The following CPA6 variants were observed in gnomAD, a reference collection of about 807,000 sequenced individuals.
CPA6 encodes the protein carboxypeptidase B.
CPA6 carries 58 observed loss-of-function variants against 63.3 expected under a neutral mutation model. The ratio of observed to expected loss-of-function variants is 0.92; its 90% CI spans 0.74 to 1.14. The LOEUF is 1.14. CPA6 is among the 50% of genes most tolerant of loss of function. The pLI, the probability that CPA6 is intolerant of heterozygous loss-of-function variation, is 0.00. For missense variants in CPA6, 565 were observed against 526.6 expected, an observed-to-expected ratio of 1.07 and a Z score of -0.71; for synonymous variants, 185 against 179.0, an observed-to-expected ratio of 1.03 and a Z score of -0.27.
chr8:67,638,468 T>C (rs1815519196), intron 1 of CPA6, among the ~76,000 whole-genome samples: 7 of 151,558 alleles, frequency 4.6e-5, no homozygotes, highest in Admixed American at 4.6e-4. Flanking sequence ...TGTGTTCAAG[T>C]AGTCATCCGG....
intron 1 of CPA6, among the ~76,000 whole-genome samples, chr8:67,633,537 C>T (rs753182592): frequency 1.3e-5 from 2 of 151,968 alleles, no homozygotes; most frequent in African/African-American, 4.8e-5. Flanking sequence ...AAAAATTAGC[C>T]GGGCGTGGTG....
At chr8:67,647,396 G>A (rs1432227109) in intron 1 of CPA6, among the ~76,000 whole-genome samples, 1 of 151,036 alleles carries the variant, frequency 6.6e-6, no homozygotes, top group African/African-American at 2.4e-5. Flanking sequence ...GGCTGGCCTT[G>A]AACTTCTGGA....
intron 2 of CPA6, among the ~76,000 whole-genome samples, chr8:67,523,049 G>A (rs972006789): frequency 6.6e-6 from 1 of 152,238 alleles, no homozygotes; most frequent in Non-Finnish European, 1.5e-5. Context: ...TGATTAGGGT[G>A]TGAATTCTAT....
intron 8 of CPA6, among the ~76,000 whole-genome samples, chr8:67,451,029 C>G (rs1196221724): frequency 6.6e-6 from 1 of 152,178 alleles, no homozygotes; most frequent in Non-Finnish European, 1.5e-5. Flanking sequence ...AGGTCCTGGA[C>G]TACAGTTTCC....
chr8:67,434,782 G>C (rs1382316227), intron 8 of CPA6, among the ~76,000 whole-genome samples: 1 of 152,200 alleles, frequency 6.6e-6, no homozygotes, highest in African/African-American at 2.4e-5. Flanking sequence ...AGCCTGTCGG[G>C]AGCAGACGGC....
At chr8:67,733,196 C>CAAAAAAAAAAAAAAAA (rs1211323183) in intron 1 of CPA6, among the ~76,000 whole-genome samples, 3 of 14,894 alleles carry the variant, frequency 2.0e-4, no homozygotes, top group African/African-American at 6.3e-4. Context: ...GACTCCATCT[C>CAAAAAAAAAAAAAAAA]AAAAAAAAAA....
At chr8:67,457,995 A>G (rs1810714556) in intron 8 of CPA6, among the ~76,000 whole-genome samples, 1 of 152,182 alleles carries the variant, frequency 6.6e-6, no homozygotes, top group South Asian at 2.1e-4. Flanking sequence ...AGGCAATACA[A>G]TGGAGCAAAG....
intron 1 of CPA6, among the ~76,000 whole-genome samples, chr8:67,728,933 G>A (rs1340287519): frequency 6.6e-6 from 1 of 152,176 alleles, no homozygotes; most frequent in Non-Finnish European, 1.5e-5. Context: ...CCTGGGACTT[G>A]GAAGAAAGAG....
At chr8:67,422,784 G>T (rs1809797635) in intron 10 of CPA6, 93 bp from the exon 11 acceptor site, 2 of 918,992 alleles carry the variant, frequency 2.2e-6, no homozygotes, top group African/African-American at 3.4e-5. Context: ...CGCTTATTAA[G>T]CTTTACTAAA....
chr8:67,565,458 C>T (rs1156772132), intron 2 of CPA6, among the ~76,000 whole-genome samples: 1 of 152,148 alleles, frequency 6.6e-6, no homozygotes, highest in East Asian at 1.9e-4. Context: ...CTCTGTTAGG[C>T]TAAGGACCTC....
intron 2 of CPA6, among the ~76,000 whole-genome samples, chr8:67,579,411 C>T (rs1481063172): frequency 6.6e-6 from 1 of 151,874 alleles, no homozygotes; most frequent in Non-Finnish European, 1.5e-5. Context: ...GGACTCTGTC[C>T]CCACCACAAA....
intron 1 of CPA6, among the ~76,000 whole-genome samples, chr8:67,712,065 C>T (rs1271104354): frequency 6.6e-6 from 1 of 152,122 alleles, no homozygotes; most frequent in Non-Finnish European, 1.5e-5. Context: ...TGCAGTGACC[C>T]ACACTGATAT....
At chr8:67,451,320 G>C (rs1284143987) in intron 8 of CPA6, among the ~76,000 whole-genome samples, 4 of 152,156 alleles carry the variant, frequency 2.6e-5, no homozygotes, top group African/African-American at 9.7e-5. Flanking sequence ...GGCAACATTA[G>C]ATTCTCATAG....
chr8:67,547,918 A>C (rs1156260886), intron 2 of CPA6, among the ~76,000 whole-genome samples: 1 of 152,224 alleles, frequency 6.6e-6, no homozygotes, highest in Non-Finnish European at 1.5e-5. Flanking sequence ...TTCTACTCTT[A>C]GACCACGTTT....
At chr8:67,732,233 A>C (rs1459194966) in intron 1 of CPA6, among the ~76,000 whole-genome samples, 1 of 152,244 alleles carries the variant, frequency 6.6e-6, no homozygotes, top group African/African-American at 2.4e-5. Flanking sequence ...TACAGGTGGC[A>C]GCTGTGGGAT....
intron 8 of CPA6, among the ~76,000 whole-genome samples, chr8:67,436,442 A>G (rs1431094595): frequency 6.6e-6 from 1 of 151,698 alleles, no homozygotes; most frequent in African/African-American, 2.4e-5. Flanking sequence ...CAACGACCAA[A>G]AAAAAAGAAA....
intron 2 of CPA6, among the ~76,000 whole-genome samples, chr8:67,577,935 T>A (rs1813668613): frequency 6.6e-6 from 1 of 152,214 alleles, no homozygotes; most frequent in South Asian, 2.1e-4. Flanking sequence ...GATGATAAAA[T>A]TGTTCCCTTA....
chr8:67,662,052 C>T (rs1431367072), intron 1 of CPA6, among the ~76,000 whole-genome samples: 1 of 152,136 alleles, frequency 6.6e-6, no homozygotes, highest in Non-Finnish European at 1.5e-5. Context: ...TTCATCCATT[C>T]ACCACCACCC....
At chr8:67,494,030 T>G (rs1275708018) in intron 6 of CPA6, among the ~76,000 whole-genome samples, 1 of 152,188 alleles carries the variant, frequency 6.6e-6, no homozygotes, top group Non-Finnish European at 1.5e-5. Flanking sequence ...TTTAAAAACA[T>G]AGTCATTTTT....
Sources: gnomAD v4.1 joint callset for allele counts (sites outside exome capture counted in the v4.1 genomes callset) on GRCh38, gnomAD v4.1.1 for gene constraint, MANE v1.5 for transcripts, NCBI Gene and HGNC (gene_info 2026-07-23, HGNC 2026-07-21) for gene names.